The following DUSP3 variants were observed in gnomAD, a reference collection of about 807,000 sequenced individuals.
DUSP3 encodes the protein dual specificity phosphatase 3, also known as dual specificity protein phosphatase 3.
In DUSP3, 7 loss-of-function variants were observed where a neutral mutation model predicts 15.5. The observed-to-expected ratio is 0.45, with a 90% CI of 0.26 to 0.85. DUSP3 has a LOEUF of 0.85. Among genes scored for constraint, DUSP3 ranks in the 40% least tolerant of loss-of-function variants. The pLI is 0.18. For synonymous variants in DUSP3, 86 were observed against 104.2 expected (o/e 0.83, Z 1.07); for missense variants, 209 against 251.7 (o/e 0.83, Z 1.15).
intron 2 of DUSP3, chr17:43,774,216 TGGTGACTGGATCCCATCTTG>T: frequency 3.8e-6 from 1 of 262,566 alleles, no homozygotes; most frequent in South Asian, 3.6e-5. Flanking sequence ...TGCTTGGATG[TGGTGACTGGATCCCATCTTG>T]GGACCATGAC....
chr17:43,769,618 C>G lies in DUSP3; in HGVS notation c.549G>C (p.Leu183Phe). 1 of 1,611,678 alleles carries G rather than the reference C, an allele frequency of 6.2e-7. No homozygotes were observed. The highest frequency in any genetic ancestry group is 8.5e-7 in the Non-Finnish European group (1 of 1,179,676). ...LNDRLAKEGK[L>F]KP is the part of the protein sequence containing the mutation. ...AGGTGGTGGGGGTGCCCTAGGGTTTCAACTTCCCCTCCTTGGCTAGTCTGT... is the reference window on the plus strand; with the variant it reads ...AGGTGGTGGGGGTGCCCTAGGGTTTGAACTTCCCCTCCTTGGCTAGTCTGT... The change falls in exon 3 of 3, where the codon TTG becomes TTC. Residue 183 changes from leucine to phenylalanine, a missense_variant. Leu to Phe is a conservative substitution (Grantham distance 22, BLOSUM62 0). Coordinates refer to ENST00000226004, the MANE Select transcript of DUSP3 (RefSeq NM_004090.4).
chr17:43,769,603 G>A lies in DUSP3; in HGVS notation c.*6C>T, dbSNP rs1204668050. ...GGACCTCTCGAGCAGAGGTGGTGGG[G>A]GTGCCCTAGGGTTTCAACTTCCCCT... is the stretch of plus-strand genomic sequence containing the variant. On this transcript the variant is annotated 3_prime_UTR_variant, in exon 3 of 3. Coordinates refer to ENST00000226004, the MANE Select transcript of DUSP3 (RefSeq NM_004090.4). The A allele has an allele frequency of 6.2e-7, 1 of 1,610,380 alleles. No individual in the cohort carries two copies. Among genetic ancestry groups the A allele is most frequent in the Non-Finnish European group, 8.5e-7 (1 of 1,179,328 alleles).
chr17:43,770,575 T>A (rs1974303375), intron 2 of DUSP3, among the ~76,000 whole-genome samples: 1 of 150,898 alleles, frequency 6.6e-6, no homozygotes, highest in Non-Finnish European at 1.5e-5. Context: ...GAGAATTGCT[T>A]GAACCCAGGA....
At chr17:43,778,699 G>T in intron 1 of DUSP3, 101 bp downstream of exon 1, 2 of 1,338,484 alleles carry the variant, frequency 1.5e-6, no homozygotes, top group South Asian at 3.4e-5. Flanking sequence ...CATCGCGCCC[G>T]GGCTCCCCCA....
At chr17:43,777,633 C>A in intron 1 of DUSP3, 1 of 447,516 alleles carries the variant, frequency 2.2e-6, no homozygotes, top group South Asian at 1.6e-5. Flanking sequence ...TTTCAACATG[C>A]CATCCTTGGG....
rs1230397 is a variant in DUSP3 at position 43,767,321 on chromosome 17, C to T, written c.*2288G>A. The T allele has an allele frequency of 0.71, 107,913 of 152,556 alleles. 38,323 individuals carry two copies. The highest frequency in any genetic ancestry group is 0.86 in the East Asian group (4,429 of 5,160). 9.5% of individuals were successfully genotyped at this position (152,556 alleles called of 1,614,324 possible). On this transcript the variant is annotated 3_prime_UTR_variant, in exon 3 of 3. Coordinates refer to ENST00000226004, the MANE Select transcript of DUSP3 (RefSeq NM_004090.4). ...AGGAGCAGAGCAGAAAGCTCTACTTCGGGGTGCTACATCCCACCTGGAGAA... is the reference window on the plus strand; with the variant it reads ...AGGAGCAGAGCAGAAAGCTCTACTTTGGGGTGCTACATCCCACCTGGAGAA...
rs562230366 is a variant in DUSP3 at position 43,774,820 on chromosome 17, C to T, written c.244G>A (p.Gly82Ser). 2.7e-5 allele frequency: 43 copies of T among 1,614,140 alleles called. No homozygotes were observed. The highest frequency in any genetic ancestry group is 2.0e-4 in the African/African-American group (15 of 75,010). Reference protein sequence around the residue: ...NTNANFYKDSGITYLGIKAND... With the variant: ...NTNANFYKDSSITYLGIKAND... ...GCCTTGATGCCCAGGTATGTGATGCCGGAGTCCTTGTAGAAGTTGGCATTG... is the reference window on the plus strand; with the variant it reads ...GCCTTGATGCCCAGGTATGTGATGCTGGAGTCCTTGTAGAAGTTGGCATTG... Residue 82 changes from glycine to serine, a missense_variant, in exon 2 of 3, where the codon GGC becomes AGC. Coordinates refer to ENST00000226004, the MANE Select transcript of DUSP3 (RefSeq NM_004090.4).
rs1406572965 is a variant in DUSP3 at position 43,768,134 on chromosome 17, A to C, written c.*1475T>G. Reference sequence around the variant, plus strand: ...CACCCACCAGAACAATGCCCTATATATATTTGGTGCTCAAAAAGTGTTTAC... The same window carrying C: ...CACCCACCAGAACAATGCCCTATATCTATTTGGTGCTCAAAAAGTGTTTAC... On this transcript the variant is annotated 3_prime_UTR_variant, in exon 3 of 3. Coordinates refer to ENST00000226004, the MANE Select transcript of DUSP3 (RefSeq NM_004090.4). The C allele has an allele frequency of 6.6e-6, 1 of 152,180 alleles. No individual in the cohort carries two copies. The allele number at this position is 152,180 out of a possible 1,614,324, so 9.4% of individuals were successfully genotyped here. A position where few individuals can be genotyped will look rare whatever the true frequency, so the allele number is the denominator to read the frequency against.
At chr17:43,775,904 A>T (rs1327053177) in intron 1 of DUSP3, among the ~76,000 whole-genome samples, 1 of 152,142 alleles carries the variant, frequency 6.6e-6, no homozygotes, top group African/African-American at 2.4e-5. Context: ...ACCTGTCAGG[A>T]GTTCGGGACC....
chr17:43,778,482 G>C (rs1023724751), intron 1 of DUSP3: 1 of 225,364 alleles, frequency 4.4e-6, no homozygotes, highest in Non-Finnish European at 8.7e-6. Flanking sequence ...CCTGTTAAGT[G>C]AACATGGTAG....
intron 2 of DUSP3, among the ~76,000 whole-genome samples, chr17:43,772,307 C>A (rs1206672889): frequency 2.6e-5 from 4 of 152,186 alleles, no homozygotes; most frequent in Non-Finnish European, 1.5e-5. Flanking sequence ...GGCCTGTATG[C>A]CCGAAATATT....
chr17:43,775,936 C>G (rs1391510009), intron 1 of DUSP3, among the ~76,000 whole-genome samples: 1 of 152,008 alleles, frequency 6.6e-6, no homozygotes, highest in Non-Finnish European at 1.5e-5. Flanking sequence ...CATGGTGAAA[C>G]CCCGTCTCTA....
Position 43,774,867 on chromosome 17 carries a change from C to T in DUSP3, c.197G>A (p.Arg66Lys). 1 of 1,614,196 alleles carries T rather than the reference C, an allele frequency of 6.2e-7. No homozygotes were observed. The highest frequency in any genetic ancestry group is 8.5e-7 in the Non-Finnish European group (1 of 1,180,038). The change falls in exon 2 of 3, where the codon AGG becomes AAG. Residue 66 changes from arginine (R) to lysine (K), a missense_variant. Physicochemically the swap from Arg to Lys is conservative, Grantham distance 26 (BLOSUM62 2). Transcript: ENST00000226004. The part of the protein sequence containing the change: ...ITHVLNAAEG[R>K]SFMHVNTNAN... Reference sequence around the variant, plus strand: ...ATTGGTGTTGACGTGCATGAAGGACCTGCCCTCAGCCGCGTTCAGCACATG... The same window carrying T: ...ATTGGTGTTGACGTGCATGAAGGACTTGCCCTCAGCCGCGTTCAGCACATG...
chr17:43,775,920 G>A (rs937150778), intron 1 of DUSP3, among the ~76,000 whole-genome samples: 2 of 152,100 alleles, frequency 1.3e-5, no homozygotes, highest in African/African-American at 4.8e-5. Flanking sequence ...GGACCAGCCT[G>A]GCCAACATGG....
intron 1 of DUSP3, among the ~76,000 whole-genome samples, chr17:43,776,901 C>T (rs1974395864): frequency 6.6e-6 from 1 of 152,168 alleles, no homozygotes; most frequent in Non-Finnish European, 1.5e-5. Flanking sequence ...CTTAGGACAC[C>T]GCGCAAGACT....
At position 43,769,054 on chromosome 17, in the gene DUSP3, T is replaced by A. The variant is rs1974276888; in HGVS notation, c.*555A>T. The A allele has an allele frequency of 6.5e-6, 1 of 153,240 alleles. No individual in the cohort carries two copies. Among genetic ancestry groups the A allele is most frequent in the South Asian group, 2.1e-4 (1 of 4,860 alleles). The allele number at this position is 153,240 out of a possible 1,614,324, so 9.5% of individuals were successfully genotyped here. ...GTGGGAATCTCCATCCACTAATAAC[T>A]GACGGACACCCCCACCCCAGCTTCG... is the stretch of plus-strand genomic sequence containing the variant. On this transcript the variant is annotated 3_prime_UTR_variant, in exon 3 of 3. Transcript: ENST00000226004.
intron 2 of DUSP3, among the ~76,000 whole-genome samples, chr17:43,771,033 T>C (rs977182692): frequency 3.3e-5 from 5 of 149,410 alleles, no homozygotes; most frequent in Admixed American, 6.7e-5. Context: ...TGTGTGTGTA[T>C]ATATATATAT....
intron 1 of DUSP3, among the ~76,000 whole-genome samples, chr17:43,775,879 C>T (rs4793027): frequency 0.1 from 15,390 of 152,044 alleles, 971 homozygotes; most frequent in African/African-American, 0.17. Flanking sequence ...TCTGGGAAGC[C>T]GAGGCAGGTG....
chr17:43,774,365 C>G (rs1009830263), intron 2 of DUSP3, among the ~76,000 whole-genome samples: 2 of 152,152 alleles, frequency 1.3e-5, no homozygotes, highest in African/African-American at 4.8e-5. Flanking sequence ...GCTCCTTCAC[C>G]TCAGGACTTC....
Sources: gnomAD v4.1 joint callset for allele counts (sites outside exome capture counted in the v4.1 genomes callset) on GRCh38, gnomAD v4.1.1 for gene constraint, MANE v1.5 for transcripts, NCBI Gene and HGNC (gene_info 2026-07-23, HGNC 2026-07-21) for gene names.